Variants in DENND1A observed in about 807,000 individuals in gnomAD.
DENND1A encodes the protein DENN domain containing 1A.
DENND1A carries 51 observed loss-of-function variants against 113.7 expected under a neutral mutation model. That is an observed-to-expected ratio of 0.45 (90% CI 0.36 to 0.57). The LOEUF (loss-of-function observed/expected upper bound fraction) is 0.57, where lower values mean the gene tolerates loss of function less well. Ranked by LOEUF, DENND1A falls within the 20% of genes least tolerant of loss-of-function variation. DENND1A has a pLI of 0.00. For synonymous variants in DENND1A, 565 were observed against 570.8 expected (o/e 0.99, Z 0.14); for missense variants, 1,258 against 1,395.9 (o/e 0.90, Z 1.57).
intron 20 of DENND1A, among the ~76,000 whole-genome samples, chr9:123,406,626 G>A (rs1588368033): frequency 6.6e-6 from 1 of 152,220 alleles, no homozygotes; most frequent in African/African-American, 2.4e-5. Flanking sequence ...TTAGAGCTGG[G>A]CCTGCCACAC....
intron 2 of DENND1A, among the ~76,000 whole-genome samples, chr9:123,842,554 T>C (rs1841988583): frequency 6.6e-6 from 1 of 150,778 alleles, no homozygotes; most frequent in Non-Finnish European, 1.5e-5. Flanking sequence ...TCTAGAAAAA[T>C]ACAAACTACC....
intron 13 of DENND1A, among the ~76,000 whole-genome samples, chr9:123,539,502 A>G (rs1178417805): frequency 6.6e-6 from 1 of 152,214 alleles, no homozygotes; most frequent in Non-Finnish European, 1.5e-5. Context: ...CCATGAAATC[A>G]AGATAGTGGC....
intron 5 of DENND1A, among the ~76,000 whole-genome samples, chr9:123,729,852 C>G (rs751013849): frequency 8.5e-5 from 13 of 152,158 alleles, no homozygotes; most frequent in Non-Finnish European, 1.9e-4. Flanking sequence ...TACCTGACTT[C>G]AAACTATACT....
chr9:123,719,620 T>A (rs2067206259), intron 5 of DENND1A, among the ~76,000 whole-genome samples: 1 of 151,716 alleles, frequency 6.6e-6, no homozygotes, highest in African/African-American at 2.4e-5. Context: ...ACCAGAAGTG[T>A]TAAAGGTTTT....
chr9:123,460,123 T>A (rs1032569338), intron 13 of DENND1A, among the ~76,000 whole-genome samples: 5 of 152,232 alleles, frequency 3.3e-5, no homozygotes, highest in Non-Finnish European at 7.3e-5. Flanking sequence ...TCCTGGCTGC[T>A]GGAGCAAGAA....
At chr9:123,770,118 A>G (rs1829490434) in intron 3 of DENND1A, among the ~76,000 whole-genome samples, 1 of 152,234 alleles carries the variant, frequency 6.6e-6, no homozygotes, top group African/African-American at 2.4e-5. Context: ...CTTACTTTAC[A>G]AAGAAGTTGC....
At chr9:123,829,677 T>C (rs961966400) in intron 2 of DENND1A, among the ~76,000 whole-genome samples, 9 of 151,648 alleles carry the variant, frequency 5.9e-5, no homozygotes, top group African/African-American at 1.7e-4. Context: ...CAAGAAGAAA[T>C]AGAAAACCTG....
In DENND1A at chr9:123,430,640, CT is replaced by C. The variant is rs1255665928; in HGVS notation, c.1488+9719del. Among the ~76,000 whole-genome samples the C allele has an allele frequency of 3.9e-5, 6 of 152,240 alleles. No homozygotes were observed. The South Asian group carries it at 6.2e-4, about 16-fold the overall frequency. Reference sequence around the variant, plus strand: ...TGAATGATGAGAACACATGGACACACTGGGGGAATAACACATACTGGAGCCT... The same window carrying C: ...TGAATGATGAGAACACATGGACACACGGGGGAATAACACATACTGGAGCCT... On this transcript the variant is annotated intron_variant, in intron 19 of 23. Transcript: ENST00000394215.
At chr9:123,403,574 GC>G (rs937032111) in intron 20 of DENND1A, 84 bp from the exon 21 acceptor site, 35 of 1,282,366 alleles carry the variant, frequency 2.7e-5, no homozygotes, top group East Asian at 1.7e-4. Context: ...TGGATAAACG[GC>G]CCCCCCAAAA....
At chr9:123,759,458 T>C (rs1002962567) in intron 4 of DENND1A, 1 of 152,216 alleles carries the variant, frequency 6.6e-6, no homozygotes, top group Admixed American at 6.5e-5. Context: ...ACAGTCTTGT[T>C]CTGTCACCCA....
intron 2 of DENND1A, among the ~76,000 whole-genome samples, chr9:123,828,606 A>C (rs1839728267): frequency 6.6e-6 from 1 of 151,816 alleles, no homozygotes; most frequent in Non-Finnish European, 1.5e-5. Context: ...ACTGCTAAAA[A>C]TTAAAAATGA....
intron 18 of DENND1A, among the ~76,000 whole-genome samples, chr9:123,447,991 C>T (rs776956734): frequency 1.3e-5 from 2 of 152,104 alleles, no homozygotes; most frequent in Non-Finnish European, 2.9e-5. Flanking sequence ...GAAATCTGTA[C>T]GACCGAAGGG....
In DENND1A at chr9:123,557,676, C is replaced by T. The variant is rs748942525; in HGVS notation, c.887G>A (p.Arg296Lys). 3 of 1,613,780 alleles carry T rather than the reference C, an allele frequency of 1.9e-6. No individual in the cohort carries two copies. The highest frequency in any genetic ancestry group is 2.7e-5 in the African/African-American group (2 of 74,918). Residue 296 changes from arginine (R) to lysine (K), a missense_variant, in exon 13 of 24, where the codon AGG becomes AAG. Arg to Lys is a conservative substitution (Grantham distance 26). This residue lies in a region of DENND1A where 1,159 missense variants were observed against 1,231.7 expected (regional missense o/e 0.94). Transcript: ENST00000394215. ...AGTGGTTGTGGAGACCTTTTTCAGCCTGTTCTTCAGGGAAGAGATCTGGTG... is the reference window on the plus strand; with the variant it reads ...AGTGGTTGTGGAGACCTTTTTCAGCTTGTTCTTCAGGGAAGAGATCTGGTG... ...PNDVISSLKN[R>K]LKKVSTTTGD... is the part of the protein sequence containing the mutation.
At chr9:123,912,174 AT>A (rs1854118920) in intron 1 of DENND1A, among the ~76,000 whole-genome samples, 1 of 152,218 alleles carries the variant, frequency 6.6e-6, no homozygotes, top group South Asian at 2.1e-4. Context: ...ACAGCAAAAA[AT>A]TTAAGTTTAA....
chr9:123,871,370 C>T (rs571849559), intron 2 of DENND1A, among the ~76,000 whole-genome samples: 1 of 152,174 alleles, frequency 6.6e-6, no homozygotes, highest in Non-Finnish European at 1.5e-5. Flanking sequence ...AGGCGTGAGA[C>T]ACTACACCCA....
chr9:123,761,857 TA>T (rs1416522380), intron 4 of DENND1A, among the ~76,000 whole-genome samples: 2 of 152,128 alleles, frequency 1.3e-5, no homozygotes, highest in Non-Finnish European at 2.9e-5. Flanking sequence ...TATTTCTCCA[TA>T]AAAATGACCT....
intron 10 of DENND1A, among the ~76,000 whole-genome samples, chr9:123,621,886 C>T (rs1401905465): frequency 1.3e-5 from 2 of 152,186 alleles, no homozygotes; most frequent in East Asian, 1.9e-4. Flanking sequence ...GATGCCCCAT[C>T]GCCTATGTGG....
Position 123,568,569 on chromosome 9 carries a change from G to T in DENND1A, c.868-10874C>A, listed in dbSNP as rs970006940. Among the ~76,000 whole-genome samples the T allele has an allele frequency of 5.3e-5, 8 of 152,146 alleles. No homozygotes were observed. In the South Asian group the frequency reaches 1.7e-3, roughly 32 times the overall value. On this transcript the variant is annotated intron_variant, in intron 12 of 23. Transcript: ENST00000394215. Reference sequence around the variant, plus strand: ...TGTCACTCATTATGCTGAGCCTAGTGGATTTACTTAGTGACCCAAACTTGG... The same window carrying T: ...TGTCACTCATTATGCTGAGCCTAGTTGATTTACTTAGTGACCCAAACTTGG...
chr9:123,880,867 C>T (rs1183192567), intron 1 of DENND1A, among the ~76,000 whole-genome samples: 1 of 152,068 alleles, frequency 6.6e-6, no homozygotes, highest in Non-Finnish European at 1.5e-5. Context: ...TTCTAAGAGC[C>T]GGCATTTTTT....
Sources: allele counts gnomAD v4.1 joint callset (sites outside exome capture counted in the v4.1 genomes callset), GRCh38; gene constraint gnomAD v4.1.1; regional missense constraint gnomAD v4.1.1; transcripts MANE v1.5; gene names NCBI Gene and HGNC (gene_info 2026-07-23, HGNC 2026-07-21).